NBAS: variants seen among roughly 807,000 people sequenced by gnomAD.
NBAS encodes the protein NAG/BC035112 fusion.
In NBAS, 219 loss-of-function variants were observed where a neutral mutation model predicts 302.5. The ratio of observed to expected loss-of-function variants is 0.72; its 90% confidence interval spans 0.65 to 0.81. NBAS has a LOEUF of 0.81. NBAS is among the 30% of genes least tolerant of loss of function. The pLI is 0.00. For synonymous variants in NBAS, 1,118 were observed against 1,021.6 expected (o/e 1.09, Z -1.80); for missense variants, 2,932 against 2,841.6 (o/e 1.03, Z -0.72).
At chr2:15,425,994 C>T (rs981025843) in intron 22 of NBAS, among the ~76,000 whole-genome samples, 1 of 152,158 alleles carries the variant, frequency 6.6e-6, no homozygotes, top group Non-Finnish European at 1.5e-5. Flanking sequence ...CCAGAAAGGA[C>T]ACAGGCTTGT....
chr2:15,505,199 G>A (rs979511703), intron 10 of NBAS, among the ~76,000 whole-genome samples: 4 of 152,186 alleles, frequency 2.6e-5, no homozygotes, highest in East Asian at 3.8e-4. Flanking sequence ...CTGCCACAAG[G>A]TGTGGTGGTG....
chr2:15,389,283 C>T (rs1675472634), intron 28 of NBAS, among the ~76,000 whole-genome samples: 1 of 152,198 alleles, frequency 6.6e-6, no homozygotes, highest in Admixed American at 6.5e-5. Context: ...CCTTTTCTTT[C>T]CTTTATCAGT....
chr2:15,555,353 A>C (rs1387111849), intron 3 of NBAS, among the ~76,000 whole-genome samples: 1 of 152,154 alleles, frequency 6.6e-6, no homozygotes, highest in Non-Finnish European at 1.5e-5. Flanking sequence ...TTACAAAAAT[A>C]TAATGAAGAT....
chr2:14,962,657 C>T, the NBAS span, among the ~76,000 whole-genome samples: 1 of 152,040 alleles, frequency 6.6e-6, no homozygotes. Context: ...TAAAAGTCTC[C>T]CAGGACAAAA....
chr2:15,205,101 G>T (rs888773334), intron 48 of NBAS, among the ~76,000 whole-genome samples: 2 of 152,046 alleles, frequency 1.3e-5, no homozygotes, highest in Non-Finnish European at 2.9e-5. Flanking sequence ...AAAAGCCAGG[G>T]AATGAAGTTA....
At chr2:14,908,428 T>A in the NBAS span, among the ~76,000 whole-genome samples, 1 of 152,158 alleles carries the variant, frequency 6.6e-6, no homozygotes, top group Non-Finnish European at 1.5e-5. Flanking sequence ...CAGAAAAGCA[T>A]CCGAGCTTCT....
intron 49 of NBAS, among the ~76,000 whole-genome samples, 195 bp from the exon 50 acceptor site, chr2:15,187,075 C>T (rs1370849261): frequency 1.3e-5 from 2 of 152,076 alleles, no homozygotes; most frequent in Admixed American, 6.6e-5. Flanking sequence ...CAGCAAGCAG[C>T]CCAGCAGCAC....
chr2:14,819,059 C>T, the NBAS span, among the ~76,000 whole-genome samples: 1 of 152,174 alleles, frequency 6.6e-6, no homozygotes, highest in South Asian at 2.1e-4. Flanking sequence ...GCTTCCTGTG[C>T]CTCCCTCTGT....
At chr2:14,836,955 G>A in the NBAS span, among the ~76,000 whole-genome samples, 1 of 151,510 alleles carries the variant, frequency 6.6e-6, no homozygotes, top group African/African-American at 2.4e-5. Flanking sequence ...ATTTTTTCAT[G>A]TGTATTTTTA....
the NBAS span, among the ~76,000 whole-genome samples, chr2:14,980,395 A>T: frequency 1.9e-3 from 294 of 152,300 alleles, 3 homozygotes; most frequent in Non-Finnish European, 2.8e-4. Flanking sequence ...AGAAATAATA[A>T]GAGACAGCCA....
At chr2:15,509,166 G>A (rs1046312206) in intron 10 of NBAS, among the ~76,000 whole-genome samples, 1 of 152,118 alleles carries the variant, frequency 6.6e-6, no homozygotes, top group Non-Finnish European at 1.5e-5. Flanking sequence ...TAGATTATGG[G>A]ATAATCATCA....
At chr2:15,372,324 G>A (rs76071043) in intron 31 of NBAS, among the ~76,000 whole-genome samples, 3 of 152,160 alleles carry the variant, frequency 2.0e-5, no homozygotes, top group East Asian at 1.9e-4. Context: ...TTTTACATGC[G>A]ACTTCTGTTC....
the NBAS span, among the ~76,000 whole-genome samples, chr2:15,122,999 C>A: frequency 6.6e-6 from 1 of 152,144 alleles, no homozygotes. Context: ...ATTCTGGATG[C>A]TTAGAGCCCT....
At chr2:14,998,077 A>G in the NBAS span, among the ~76,000 whole-genome samples, 3 of 152,188 alleles carry the variant, frequency 2.0e-5, no homozygotes, top group African/African-American at 7.2e-5. Context: ...CTTCCAGGTC[A>G]TGGTGGCCTC....
At chr2:15,188,117 G>C (rs1485219715) in intron 49 of NBAS, among the ~76,000 whole-genome samples, 1 of 152,180 alleles carries the variant, frequency 6.6e-6, no homozygotes, top group African/African-American at 2.4e-5. Flanking sequence ...CGAGGCTTTG[G>C]TAACAAATTA....
intron 22 of NBAS, among the ~76,000 whole-genome samples, chr2:15,427,274 G>A (rs1220039231): frequency 6.6e-6 from 1 of 152,008 alleles, no homozygotes; most frequent in Non-Finnish European, 1.5e-5. Context: ...TTCCTCACAT[G>A]AATTTTCAGC....
the NBAS span, among the ~76,000 whole-genome samples, chr2:15,007,907 A>G: frequency 2.0e-5 from 3 of 152,242 alleles, no homozygotes; most frequent in African/African-American, 7.2e-5. Flanking sequence ...CTAGCTCTGT[A>G]AAATGCAGAT....
At chr2:15,380,812 C>T (rs1177700742) in intron 29 of NBAS, among the ~76,000 whole-genome samples, 2 of 152,112 alleles carry the variant, frequency 1.3e-5, no homozygotes, top group Non-Finnish European at 1.5e-5. Flanking sequence ...TAAAAAGTAA[C>T]ATTTAATGGA....
At chr2:14,962,644 G>C in the NBAS span, among the ~76,000 whole-genome samples, 1 of 152,036 alleles carries the variant, frequency 6.6e-6, no homozygotes, top group Admixed American at 6.6e-5. Context: ...ATTGTTCAGG[G>C]TATAAAAGTC....
Sources: gnomAD v4.1 joint callset for allele counts (sites outside exome capture counted in the v4.1 genomes callset) on GRCh38, gnomAD v4.1.1 for gene constraint, MANE v1.5 for transcripts, NCBI Gene and HGNC (gene_info 2026-07-23, HGNC 2026-07-21) for gene names.